FHIT: variants seen among roughly 807,000 people sequenced by gnomAD.
FHIT encodes fragile histidine triad diadenosine triphosphatase.
Under a neutral mutation model 17.9 loss-of-function variants are expected in FHIT, and 19 were observed. That is an observed-to-expected ratio of 1.06 (90% CI 0.74 to 1.56). FHIT has a LOEUF of 1.56. Ranked by LOEUF, FHIT falls within the 40% of genes most tolerant of loss-of-function variation. The probability of loss-of-function intolerance (pLI) is 0.00; values close to 1 mark genes in which losing one functional copy is unlikely to be tolerated. For missense variants in FHIT, 248 were observed against 189.2 expected (o/e 1.31, Z -1.82); for synonymous variants, 81 against 69.7 (o/e 1.16, Z -0.81).
intron 4 of FHIT, among the ~76,000 whole-genome samples, chr3:60,678,882 A>G (rs1042712848): frequency 3.7e-5 from 5 of 134,934 alleles, no homozygotes; most frequent in East Asian, 9.1e-4. Flanking sequence ...TTCCTGAAAC[A>G]TATCAGTGGC....
intron 8 of FHIT, among the ~76,000 whole-genome samples, chr3:59,873,592 C>T (rs1377888689): frequency 6.6e-6 from 1 of 152,198 alleles, no homozygotes; most frequent in Non-Finnish European, 1.5e-5. Flanking sequence ...TTTATTGCAG[C>T]TGCTGTCTTC....
At chr3:60,125,015 C>A (rs773697272) in intron 5 of FHIT, among the ~76,000 whole-genome samples, 29 of 152,182 alleles carry the variant, frequency 1.9e-4, no homozygotes, top group Non-Finnish European at 4.0e-4. Context: ...ATGTCTCTTA[C>A]AGAATAGATA....
chr3:59,859,653 G>A (rs193101543), intron 8 of FHIT, among the ~76,000 whole-genome samples: 2 of 152,224 alleles, frequency 1.3e-5, no homozygotes, highest in African/African-American at 2.4e-5. Context: ...CTGGGAGGCG[G>A]AGGTTGCAGT....
At chr3:59,912,213 A>G (rs975211974) in intron 8 of FHIT, among the ~76,000 whole-genome samples, 1 of 152,214 alleles carries the variant, frequency 6.6e-6, no homozygotes, top group African/African-American at 2.4e-5. Flanking sequence ...TCTCCAACTA[A>G]TGAAAATTTT....
chr3:60,550,337 GA>G, intron 4 of FHIT, among the ~76,000 whole-genome samples: 1 of 149,624 alleles, frequency 6.7e-6, no homozygotes, highest in African/African-American at 2.5e-5. Context: ...CCTAGAAGAA[GA>G]TAACAAAGTG....
intron 5 of FHIT, among the ~76,000 whole-genome samples, chr3:60,020,816 T>C (rs1207244504): frequency 1.3e-5 from 2 of 152,214 alleles, no homozygotes; most frequent in South Asian, 2.1e-4. Context: ...ATAGCACAAT[T>C]ACAGAGCTTT....
At chr3:60,553,570 G>C in intron 4 of FHIT, among the ~76,000 whole-genome samples, 1 of 145,200 alleles carries the variant, frequency 6.9e-6, no homozygotes, top group East Asian at 2.0e-4. Flanking sequence ...GGCTCCTGAA[G>C]TTCTTCTCAT....
chr3:59,918,324 G>A (rs1443697470), intron 8 of FHIT, among the ~76,000 whole-genome samples: 1 of 152,130 alleles, frequency 6.6e-6, no homozygotes, highest in African/African-American at 2.4e-5. Context: ...GGGGGATGCA[G>A]GTATTGAATA....
intron 3 of FHIT, among the ~76,000 whole-genome samples, chr3:60,989,168 T>C (rs909788601): frequency 1.3e-5 from 2 of 152,100 alleles, no homozygotes; most frequent in African/African-American, 4.8e-5. Flanking sequence ...TATTTATTTA[T>C]GTATTTATTT....
intron 5 of FHIT, among the ~76,000 whole-genome samples, chr3:60,254,300 G>T (rs924621494): frequency 1.3e-5 from 2 of 152,010 alleles, no homozygotes; most frequent in African/African-American, 4.8e-5. Flanking sequence ...AACTACAACC[G>T]GAAAAACAGG....
intron 8 of FHIT, among the ~76,000 whole-genome samples, chr3:59,804,920 G>C (rs1415171960): frequency 6.6e-6 from 1 of 152,158 alleles, no homozygotes; most frequent in African/African-American, 2.4e-5. Flanking sequence ...CTCCCAGGTT[G>C]GTGGGCTCTC....
intron 2 of FHIT, among the ~76,000 whole-genome samples, chr3:61,169,416 T>C (rs898470698): frequency 6.6e-6 from 1 of 152,202 alleles, no homozygotes; most frequent in Non-Finnish European, 1.5e-5. Flanking sequence ...ATCTTTAGCA[T>C]GTGTTCATTT....
chr3:59,768,462 C>G lies in FHIT; in HGVS notation c.349-16141G>C, dbSNP rs1276773860. Among the ~76,000 whole-genome samples, 3 of 152,212 alleles carry G rather than the reference C, an allele frequency of 2.0e-5. No individual in the cohort carries two copies. The East Asian group carries it at 5.8e-4, about 29-fold the overall frequency. Reference sequence around the variant, plus strand: ...CTCCCTGCATGGATGGCATTTCTTCCCCTGATCCACCAGCACTGGACTTAG... The same window carrying G: ...CTCCCTGCATGGATGGCATTTCTTCGCCTGATCCACCAGCACTGGACTTAG... On this transcript the variant is annotated intron_variant, in intron 8 of 9. Transcript: ENST00000492590.
At chr3:60,441,031 G>T (rs1204928894) in intron 5 of FHIT, among the ~76,000 whole-genome samples, 2 of 152,028 alleles carry the variant, frequency 1.3e-5, no homozygotes, top group African/African-American at 4.8e-5. Context: ...AAATCAGCAT[G>T]TTCACCCCTT....
intron 5 of FHIT, among the ~76,000 whole-genome samples, chr3:60,253,592 T>G (rs890748678): frequency 2.6e-5 from 4 of 152,248 alleles, no homozygotes; most frequent in Non-Finnish European, 5.9e-5. Flanking sequence ...TATTCTCCTA[T>G]ACTGTAGACT....
At chr3:60,732,373 T>A in intron 4 of FHIT, 2 of 817,514 alleles carry the variant, frequency 2.4e-6, no homozygotes, top group Non-Finnish European at 4.3e-6. Flanking sequence ...TGCTTCAGGA[T>A]GAAGTTCTCC....
intron 4 of FHIT, among the ~76,000 whole-genome samples, chr3:60,663,261 A>C (rs1250289894): frequency 6.7e-6 from 1 of 149,036 alleles, no homozygotes; most frequent in Non-Finnish European, 1.5e-5. Flanking sequence ...ATGGAGATCA[A>C]ATAAGTTTGC....
intron 4 of FHIT, among the ~76,000 whole-genome samples, chr3:60,782,237 G>GTATATATATATATATATATATA (rs11272366): frequency 2.0e-4 from 19 of 95,504 alleles, no homozygotes; most frequent in Admixed American, 3.0e-4. Context: ...GTGTGTGTGT[G>GTATATATATATATATATATATA]TATATATATA....
At chr3:61,237,949 A>G (rs1345879278) in intron 1 of FHIT, among the ~76,000 whole-genome samples, 1 of 152,146 alleles carries the variant, frequency 6.6e-6, no homozygotes, top group Non-Finnish European at 1.5e-5. Flanking sequence ...TCTACAAAGT[A>G]TAAATAACCC....
Sources: allele counts gnomAD v4.1 joint callset (sites outside exome capture counted in the v4.1 genomes callset), GRCh38; gene constraint gnomAD v4.1.1; transcripts MANE v1.5; gene names NCBI Gene and HGNC (gene_info 2026-07-23, HGNC 2026-07-21).